The following AGMO variants were observed in gnomAD, a reference collection of about 807,000 sequenced individuals.
AGMO encodes the protein alkylglycerol monooxygenase.
In AGMO, 75 loss-of-function variants were observed where a neutral mutation model predicts 60.2. That is an observed-to-expected ratio of 1.25 (90% CI 1.03 to 1.51). AGMO has a LOEUF of 1.51. AGMO is among the 40% of genes most tolerant of loss of function. The probability of loss-of-function intolerance (pLI) is 0.00; values close to 1 mark genes in which losing one functional copy is unlikely to be tolerated. For synonymous variants in AGMO, 261 were observed against 177.1 expected (o/e 1.47, Z -3.76); for missense variants, 763 against 525.5 (o/e 1.45, Z -4.42).
intron 3 of AGMO, among the ~76,000 whole-genome samples, chr7:15,469,254 T>C (rs1782374589): frequency 6.6e-6 from 1 of 152,032 alleles, no homozygotes; most frequent in Non-Finnish European, 1.5e-5. Context: ...CGTCAAAAGC[T>C]AGGAACATGG....
chr7:15,429,397 G>A (rs546627186), intron 4 of AGMO, among the ~76,000 whole-genome samples: 1 of 151,942 alleles, frequency 6.6e-6, no homozygotes, highest in Admixed American at 6.6e-5. Context: ...CAGGAAGAAC[G>A]CCATGTGAAA....
intron 5 of AGMO, among the ~76,000 whole-genome samples, chr7:15,394,663 G>C (rs1224514514): frequency 6.6e-6 from 1 of 152,054 alleles, no homozygotes; most frequent in Non-Finnish European, 1.5e-5. Context: ...ACGGGAGCAG[G>C]GTATAACTAG....
intron 2 of AGMO, among the ~76,000 whole-genome samples, chr7:15,555,516 C>G (rs1785109461): frequency 1.3e-5 from 2 of 151,660 alleles, no homozygotes; most frequent in Non-Finnish European, 2.9e-5. Context: ...ATAATATTAC[C>G]TTTACCGTCT....
the AGMO span, among the ~76,000 whole-genome samples, chr7:15,168,748 C>T: frequency 6.6e-6 from 1 of 152,148 alleles, no homozygotes; most frequent in Non-Finnish European, 1.5e-5. Flanking sequence ...GGCCCACACT[C>T]AATGCAGTTT....
intron 12 of AGMO, among the ~76,000 whole-genome samples, chr7:15,246,602 T>C (rs1188520901): frequency 6.6e-6 from 1 of 152,178 alleles, no homozygotes; most frequent in Non-Finnish European, 1.5e-5. Flanking sequence ...TTATCTCTAC[T>C]TTCCATGGTA....
the AGMO span, among the ~76,000 whole-genome samples, chr7:15,138,837 CA>C: frequency 0.45 from 68,304 of 151,906 alleles, 15,711 homozygotes; most frequent in East Asian, 0.66. Context: ...ATAAAATTCT[CA>C]AAAAATTGTA....
At chr7:15,403,021 A>AT (rs139422579) in intron 5 of AGMO, among the ~76,000 whole-genome samples, 2,112 of 152,018 alleles carry the variant, frequency 0.014, 37 homozygotes, top group African/African-American at 0.047. Context: ...GAAAAAAAAG[A>AT]TTTTACAAAC....
At chr7:15,475,280 T>C (rs1782563483) in intron 3 of AGMO, among the ~76,000 whole-genome samples, 1 of 152,130 alleles carries the variant, frequency 6.6e-6, no homozygotes, top group Non-Finnish European at 1.5e-5. Context: ...AGCAAAGACT[T>C]GGAACCAATC....
At chr7:15,127,725 C>T in the AGMO span, among the ~76,000 whole-genome samples, 1 of 152,006 alleles carries the variant, frequency 6.6e-6, no homozygotes, top group African/African-American at 2.4e-5. Flanking sequence ...TCTATTTAAG[C>T]AATATTCTTA....
At chr7:15,390,494 T>C (rs1784091941) in intron 8 of AGMO, among the ~76,000 whole-genome samples, 177 bp downstream of exon 8, 2 of 152,236 alleles carry the variant, frequency 1.3e-5, no homozygotes, top group African/African-American at 2.4e-5. Context: ...GTATTTTGCC[T>C]GATTTGATTC....
chr7:15,360,917 T>G (rs1417567995), intron 12 of AGMO, among the ~76,000 whole-genome samples: 1 of 146,198 alleles, frequency 6.8e-6, no homozygotes, highest in Non-Finnish European at 1.5e-5. Context: ...CTCATGAAAA[T>G]AAGAAGAAAA....
chr7:15,474,154 C>G (rs1782527469), intron 3 of AGMO, among the ~76,000 whole-genome samples: 1 of 152,062 alleles, frequency 6.6e-6, no homozygotes, highest in African/African-American at 2.4e-5. Flanking sequence ...CAATGCTATC[C>G]CCTTCAAGCT....
intron 3 of AGMO, among the ~76,000 whole-genome samples, chr7:15,500,963 GTTGT>G (rs1783370089): frequency 1.3e-5 from 2 of 151,854 alleles, no homozygotes; most frequent in Non-Finnish European, 2.9e-5. Context: ...AAAGAAGCAG[GTTGT>G]TTAATTTCTA....
chr7:15,531,815 C>A (rs1253197435), intron 3 of AGMO, among the ~76,000 whole-genome samples: 1 of 150,570 alleles, frequency 6.6e-6, no homozygotes, highest in Non-Finnish European at 1.5e-5. Flanking sequence ...ATTACAGGTG[C>A]CCAACACCAT....
At chr7:15,350,513 G>C (rs1171166676) in intron 12 of AGMO, among the ~76,000 whole-genome samples, 1 of 152,074 alleles carries the variant, frequency 6.6e-6, no homozygotes, top group Non-Finnish European at 1.5e-5. Flanking sequence ...CTTATATTTA[G>C]AGAGCTTACA....
chr7:15,482,696 A>G (rs1782792045), intron 3 of AGMO, among the ~76,000 whole-genome samples: 1 of 152,314 alleles, frequency 6.6e-6, no homozygotes, highest in South Asian at 2.1e-4. Flanking sequence ...TAAAAAGGAA[A>G]GTTGTAGGAT....
chr7:15,293,174 T>TA (rs1252706869), intron 12 of AGMO, among the ~76,000 whole-genome samples: 4 of 152,152 alleles, frequency 2.6e-5, no homozygotes, highest in Admixed American at 1.3e-4. Flanking sequence ...AAGTAAGACT[T>TA]AGTTTCAATT....
At chr7:15,202,483 A>AC (rs1781321502) in intron 12 of AGMO, among the ~76,000 whole-genome samples, 1 of 129,924 alleles carries the variant, frequency 7.7e-6, no homozygotes, top group Non-Finnish European at 1.6e-5. Flanking sequence ...AAAAAAAAAA[A>AC]AAAAAACCCT....
chr7:15,255,222 G>A (rs1783060678), intron 12 of AGMO, among the ~76,000 whole-genome samples: 1 of 152,078 alleles, frequency 6.6e-6, no homozygotes, highest in Non-Finnish European at 1.5e-5. Flanking sequence ...AGGGGAGGGA[G>A]GTTAGGGAAG....
Sources: allele counts gnomAD v4.1 joint callset (sites outside exome capture counted in the v4.1 genomes callset), GRCh38; gene constraint gnomAD v4.1.1; transcripts MANE v1.5; gene names NCBI Gene and HGNC (gene_info 2026-07-23, HGNC 2026-07-21).